Variants in PTPRE observed in about 807,000 individuals in gnomAD.
PTPRE encodes the protein protein tyrosine phosphatase receptor type E, also known as receptor-type tyrosine-protein phosphatase epsilon.
In PTPRE, 51 loss-of-function variants were observed where a neutral mutation model predicts 102.0. The ratio of observed to expected loss-of-function variants is 0.50; its 90% CI spans 0.40 to 0.63. The LOEUF (loss-of-function observed/expected upper bound fraction) is 0.63, where lower values mean the gene tolerates loss of function less well. PTPRE is among the 30% of genes least tolerant of loss of function. The pLI is 0.00. For synonymous variants in PTPRE, 345 were observed against 348.2 expected, an observed-to-expected ratio of 0.99 and a Z score of 0.10; for missense variants, 752 against 915.1, an observed-to-expected ratio of 0.82 and a Z score of 2.30.
intron 7 of PTPRE, among the ~76,000 whole-genome samples, chr10:128,060,090 AC>A (rs2135940972): frequency 7.3e-6 from 1 of 137,152 alleles, no homozygotes; most frequent in African/African-American, 2.7e-5. Flanking sequence ...CTACACACAC[AC>A]ACACACACAC....
intron 6 of PTPRE, among the ~76,000 whole-genome samples, chr10:128,050,865 A>AATGAGACTTTACC (rs1848514305): frequency 6.6e-6 from 1 of 152,222 alleles, no homozygotes; most frequent in Non-Finnish European, 1.5e-5. Flanking sequence ...CTGCTGCAGA[A>AATGAGACTTTACC]ATGAGACTTT....
chr10:127,987,695 G>A (rs1306317817), intron 2 of PTPRE, among the ~76,000 whole-genome samples: 1 of 152,176 alleles, frequency 6.6e-6, no homozygotes, highest in Non-Finnish European at 1.5e-5. Context: ...AGAATCCAAG[G>A]TGAGGTTCAC....
intron 1 of PTPRE, among the ~76,000 whole-genome samples, chr10:127,966,461 A>G (rs1366978694): frequency 1.3e-5 from 2 of 152,190 alleles, no homozygotes; most frequent in Non-Finnish European, 2.9e-5. Flanking sequence ...GTATTTATTG[A>G]GCCTGTGATA....
intron 2 of PTPRE, among the ~76,000 whole-genome samples, chr10:128,033,039 T>C (rs1270583216): frequency 1.3e-5 from 2 of 152,218 alleles, no homozygotes; most frequent in African/African-American, 4.8e-5. Flanking sequence ...ATTTACTAAC[T>C]ACCTCGGGGG....
At chr10:128,065,781 T>C (rs1298540159) in intron 10 of PTPRE, among the ~76,000 whole-genome samples, 1 of 152,168 alleles carries the variant, frequency 6.6e-6, no homozygotes, top group African/African-American at 2.4e-5. Context: ...AACTGGTTGA[T>C]GGTCAGTTAA....
At chr10:128,005,855 G>A (rs1260147284) in intron 2 of PTPRE, among the ~76,000 whole-genome samples, 1 of 152,130 alleles carries the variant, frequency 6.6e-6, no homozygotes, top group Non-Finnish European at 1.5e-5. Context: ...CAAGGCTCTG[G>A]GAGGGATTCT....
chr10:128,003,483 C>T (rs1854185763), intron 2 of PTPRE, among the ~76,000 whole-genome samples: 1 of 152,066 alleles, frequency 6.6e-6, no homozygotes, highest in South Asian at 2.1e-4. Flanking sequence ...TTACATTCAT[C>T]CTGGTGATAC....
At chr10:127,957,514 C>T (rs1183529976) in intron 1 of PTPRE, among the ~76,000 whole-genome samples, 1 of 152,076 alleles carries the variant, frequency 6.6e-6, no homozygotes, top group Non-Finnish European at 1.5e-5. Context: ...CTTTTATTTT[C>T]TTGTCTCATT....
At chr10:127,999,234 T>G (rs566826418) in intron 2 of PTPRE, 1 of 152,230 alleles carries the variant, frequency 6.6e-6, no homozygotes, top group Non-Finnish European at 1.5e-5. Context: ...GTTACTACAA[T>G]TAAAAAGAAG....
At chr10:127,964,845 T>C (rs1311876894) in intron 1 of PTPRE, 3 of 325,740 alleles carry the variant, frequency 9.2e-6, no homozygotes, top group African/African-American at 4.4e-5. Flanking sequence ...TTGCAGCCAG[T>C]TGTCTAGTTG....
chr10:128,007,941 G>A (rs1477991884), intron 2 of PTPRE, among the ~76,000 whole-genome samples: 1 of 152,180 alleles, frequency 6.6e-6, no homozygotes, highest in Non-Finnish European at 1.5e-5. Context: ...CACACACCTT[G>A]TTCCTACATT....
chr10:128,025,326 G>A (rs998983291), intron 2 of PTPRE, among the ~76,000 whole-genome samples: 14 of 152,152 alleles, frequency 9.2e-5, no homozygotes, highest in African/African-American at 2.4e-4. Context: ...ACTCCCCAGT[G>A]AGGACCCACG....
In PTPRE at chr10:128,031,066, T is replaced by C. The variant is rs1590070954; in HGVS notation, c.-7-9809T>C. Among the ~76,000 whole-genome samples, 3 of 152,310 alleles carry C rather than the reference T, an allele frequency of 2.0e-5. No individual in the cohort carries two copies. The East Asian group carries it at 5.8e-4, about 29-fold the overall frequency. On this transcript the variant is annotated intron_variant, in intron 2 of 20. Transcript: ENST00000254667. The stretch of plus-strand genomic sequence containing the variant: ...GCAGTGTTGGTCTTGTTTAGTTGTC[T>C]CTCCACATCCTGGCAGTCAACTCTT...
chr10:127,932,568 C>A (rs1847524244), intron 1 of PTPRE, among the ~76,000 whole-genome samples: 1 of 152,214 alleles, frequency 6.6e-6, no homozygotes, highest in Admixed American at 6.5e-5. Context: ...CAGTTTTTTA[C>A]TCTGCTTTCC....
chr10:128,038,052 C>T (rs1430240579), intron 2 of PTPRE, among the ~76,000 whole-genome samples: 2 of 150,832 alleles, frequency 1.3e-5, no homozygotes, highest in Admixed American at 6.6e-5. Context: ...CCACCCGCCT[C>T]GGCCTCTCAA....
chr10:128,022,009 T>C (rs1845926811), intron 2 of PTPRE, among the ~76,000 whole-genome samples: 1 of 152,174 alleles, frequency 6.6e-6, no homozygotes, highest in South Asian at 2.1e-4. Flanking sequence ...CATCACTGCG[T>C]CTCCCCTGGA....
chr10:128,039,246 C>T (rs1033608329), intron 2 of PTPRE, among the ~76,000 whole-genome samples: 7 of 152,254 alleles, frequency 4.6e-5, no homozygotes, highest in South Asian at 2.1e-4. Flanking sequence ...CAGCATGCAG[C>T]GGGGGTGAGG....
rs371805867 is a variant in PTPRE at position 127,938,898 on chromosome 10, G to A, written c.-31+31589G>A. On this transcript the variant is annotated intron_variant, in intron 1 of 20. Transcript: ENST00000254667. ...CCCTGACAATCCCAGGGCGCTCTGC[G>A]TTGGAATCAGTTTGGATGTGTGTTA... 1.6e-4 allele frequency among the ~76,000 whole-genome samples: 25 copies of A among 152,212 alleles called. No homozygotes were observed. In the South Asian group the frequency reaches 2.1e-3, roughly 13 times the overall value.
Position 128,085,172 on chromosome 10 carries a change from G to A in PTPRE, c.*2266G>A. The A allele has an allele frequency of 2.2e-6, 1 of 452,092 alleles. No individual in the cohort carries two copies. The highest frequency in any genetic ancestry group is 1.6e-5 in the South Asian group (1 of 64,130). The allele number at this position is 452,092 out of a possible 1,614,324, so 28.0% of individuals were successfully genotyped here. ...GCGGGGAGGTCATTACAGCCTCATG[G>A]CCTCTACCAAGGCCCCAGATCACAG... On this transcript the variant is annotated 3_prime_UTR_variant, in exon 21 of 21. Transcript: ENST00000254667.
Sources: allele counts gnomAD v4.1 joint callset (sites outside exome capture counted in the v4.1 genomes callset), GRCh38; gene constraint gnomAD v4.1.1; transcripts MANE v1.5; gene names NCBI Gene and HGNC (gene_info 2026-07-23, HGNC 2026-07-21).